DDR2: variants seen among roughly 807,000 people sequenced by gnomAD.
DDR2 encodes the protein discoidin domain receptor tyrosine kinase 2, also known as discoidin domain-containing receptor 2.
DDR2 carries 27 observed loss-of-function variants against 94.9 expected under a neutral mutation model. The ratio of observed to expected loss-of-function variants is 0.28; its 90% CI spans 0.21 to 0.39. DDR2 has a LOEUF of 0.39. DDR2 is among the 10% of genes least tolerant of loss of function. The probability of loss-of-function intolerance (pLI) is 1.00; values close to 1 mark genes in which losing one functional copy is unlikely to be tolerated. For missense variants in DDR2, 783 were observed against 1,076.0 expected, an observed-to-expected ratio of 0.73 and a Z score of 3.81; for synonymous variants, 382 against 377.2, an observed-to-expected ratio of 1.01 and a Z score of -0.15.
At chr1:162,769,556 C>T (rs896598926) in intron 11 of DDR2, among the ~76,000 whole-genome samples, 5 of 152,316 alleles carry the variant, frequency 3.3e-5, no homozygotes, top group African/African-American at 4.8e-5. Flanking sequence ...ATCTAAGTTT[C>T]GCCATTGAGC....
At position 162,721,919 on chromosome 1, in the gene DDR2, A is replaced by G. The variant is rs113017727; in HGVS notation, c.82+2774A>G. Among the ~76,000 whole-genome samples the G allele has an allele frequency of 1.7e-3, 257 of 152,338 alleles. 1 individual carries two copies. Among genetic ancestry groups the G allele is most frequent in the Non-Finnish European group, 3.2e-3 (216 of 68,034 alleles). ...AACTCAATAAAATAAAAATAAAATA[A>G]TAATTAGTTGAAGCTCATTGTTGAA... On this transcript the variant is annotated intron_variant, in intron 3 of 17. Coordinates refer to ENST00000367921, the MANE Select transcript of DDR2 (RefSeq NM_006182.4).
chr1:162,750,961 C>T (rs529113470), intron 3 of DDR2, among the ~76,000 whole-genome samples: 73 of 152,178 alleles, frequency 4.8e-4, no homozygotes, highest in East Asian at 2.9e-3. Flanking sequence ...AGCTGAAATT[C>T]GATCCCTTCC....
At chr1:162,716,424 G>A (rs996463223) in intron 2 of DDR2, among the ~76,000 whole-genome samples, 4 of 152,338 alleles carry the variant, frequency 2.6e-5, no homozygotes, top group Non-Finnish European at 5.9e-5. Flanking sequence ...CTCAACTATA[G>A]CCAAGACCAA....
rs572863190 is a variant in DDR2 at position 162,633,000 on chromosome 1, A to G, written c.-192+369A>G. On this transcript the variant is annotated intron_variant, in intron 1 of 17. Transcript: ENST00000367921. ...TTCAGGATGAAGAAGGCAGAGCAGG[A>G]GAGCTAAGTTTTTAGACATTTAGTA... Among the ~76,000 whole-genome samples the G allele has an allele frequency of 7.0e-4, 106 of 152,360 alleles. 1 individual carries two copies. The highest frequency in any genetic ancestry group is 2.4e-3 in the African/African-American group (99 of 41,588).
chr1:162,656,748 T>C (rs1433668290), intron 2 of DDR2, among the ~76,000 whole-genome samples: 1 of 151,372 alleles, frequency 6.6e-6, no homozygotes, highest in Non-Finnish European at 1.5e-5. Context: ...TTACATGAGA[T>C]TTTTCAAACA....
At chr1:162,671,718 ACCT>A (rs1349052420) in intron 2 of DDR2, among the ~76,000 whole-genome samples, 1 of 151,926 alleles carries the variant, frequency 6.6e-6, no homozygotes, top group Non-Finnish European at 1.5e-5. Flanking sequence ...CCTGATGGAC[ACCT>A]CCTCGTGAAA....
At position 162,765,911 on chromosome 1, in the gene DDR2, T is replaced by G. The variant is rs1571310652; in HGVS notation, c.1100-90T>G. The G allele has an allele frequency of 6.1e-6, 7 of 1,155,724 alleles. No individual in the cohort carries two copies. The East Asian group carries it at 1.6e-4, about 27-fold the overall frequency. The allele number at this position is 1,155,724 out of a possible 1,614,324, so 71.6% of individuals were successfully genotyped here. A position where few individuals can be genotyped will look rare whatever the true frequency, so the allele number is the denominator to read the frequency against. On this transcript the variant is annotated intron_variant, in intron 9 of 17. Transcript: ENST00000367921. ...CTGATGACAACTCACTAAATTGATCTTGTAATGTGCTAGGTCACAATATGC... is the reference window on the plus strand; with the variant it reads ...CTGATGACAACTCACTAAATTGATCGTGTAATGTGCTAGGTCACAATATGC...
intron 1 of DDR2, among the ~76,000 whole-genome samples, chr1:162,634,254 C>A (rs748861119): frequency 6.6e-6 from 1 of 152,188 alleles, no homozygotes; most frequent in African/African-American, 2.4e-5. Flanking sequence ...ATGCAAAGAG[C>A]CTGGGACTTA....
Position 162,718,907 on chromosome 1 carries a change from T to C in DDR2, c.-27-130T>C, listed in dbSNP as rs1224375097. On this transcript the variant is annotated intron_variant, in intron 2 of 17. Coordinates refer to ENST00000367921, the MANE Select transcript of DDR2 (RefSeq NM_006182.4). ...CCAAAGTCTGTGATTCGAAGTCCCA[T>C]ATATAAAAACAAACACTGCAGGAAC... The C allele has an allele frequency of 4.7e-6, 4 of 846,572 alleles. No individual in the cohort carries two copies. In the Admixed American group the frequency reaches 7.8e-5, roughly 17 times the overall value. The allele number at this position is 846,572 out of a possible 1,614,324, so 52.4% of individuals were successfully genotyped here. A position where few individuals can be genotyped will look rare whatever the true frequency, so the allele number is the denominator to read the frequency against.
chr1:162,674,260 C>G (rs1012321103), intron 2 of DDR2, among the ~76,000 whole-genome samples: 1 of 152,146 alleles, frequency 6.6e-6, no homozygotes, highest in Admixed American at 6.5e-5. Flanking sequence ...TTGTTTCACC[C>G]TCCAGAACCT....
chr1:162,777,187 A>C (rs557353905), intron 16 of DDR2, among the ~76,000 whole-genome samples: 1 of 152,160 alleles, frequency 6.6e-6, no homozygotes, highest in Non-Finnish European at 1.5e-5. Flanking sequence ...CACTATCAAT[A>C]CTTTGGTATA....
intron 3 of DDR2, among the ~76,000 whole-genome samples, chr1:162,737,449 T>A (rs1662364935): frequency 7.3e-6 from 1 of 136,660 alleles, no homozygotes; most frequent in Non-Finnish European, 1.6e-5. Context: ...GAGAATGATG[T>A]TTTCCAATTT....
intron 1 of DDR2, among the ~76,000 whole-genome samples, chr1:162,648,042 G>A (rs1373807682): frequency 8.5e-6 from 1 of 117,740 alleles, no homozygotes; most frequent in Admixed American, 1.1e-4. Flanking sequence ...CCTGTATTTA[G>A]CAAGAGGTTT....
chr1:162,703,886 G>A (rs932167763), intron 2 of DDR2, among the ~76,000 whole-genome samples: 1 of 152,114 alleles, frequency 6.6e-6, no homozygotes, highest in Non-Finnish European at 1.5e-5. Flanking sequence ...TGCGCATGCC[G>A]GGATCCCCAT....
intron 2 of DDR2, among the ~76,000 whole-genome samples, chr1:162,696,809 T>C (rs1660214627): frequency 6.6e-6 from 1 of 152,158 alleles, no homozygotes; most frequent in South Asian, 2.1e-4. Context: ...CTGCCCCCGC[T>C]GTCTGCCCAG....
At chr1:162,702,859 C>G (rs1219472001) in intron 2 of DDR2, among the ~76,000 whole-genome samples, 1 of 152,106 alleles carries the variant, frequency 6.6e-6, no homozygotes, top group Non-Finnish European at 1.5e-5. Context: ...TAGCTAACTC[C>G]CTTGGCTTCA....
intron 13 of DDR2, chr1:162,772,471 C>T: frequency 1.1e-5 from 6 of 559,096 alleles, no homozygotes; most frequent in Non-Finnish European, 1.6e-5. Flanking sequence ...GTTTTTAAGG[C>T]AGGCAAGTCA....
intron 2 of DDR2, among the ~76,000 whole-genome samples, chr1:162,694,882 T>G (rs1660115405): frequency 6.6e-6 from 1 of 152,232 alleles, no homozygotes; most frequent in African/African-American, 2.4e-5. Context: ...GTTCCATAAT[T>G]TCTCAGACAC....
At position 162,688,311 on chromosome 1, in the gene DDR2, G is replaced by A. The variant is rs751893422; in HGVS notation, c.-27-30726G>A. Among the ~76,000 whole-genome samples, 10 of 152,174 alleles carry A rather than the reference G, an allele frequency of 6.6e-5. No individual in the cohort carries two copies. In the South Asian group the frequency reaches 8.3e-4, roughly 13 times the overall value. ...ACCCAGTATAAGTGGTATACTAATC[G>A]TAGCTAGCCTGTGCTGCATGCCTGC... is the stretch of plus-strand genomic sequence containing the variant. On this transcript the variant is annotated intron_variant, in intron 2 of 17. Transcript: ENST00000367921.
Sources: allele counts gnomAD v4.1 joint callset (sites outside exome capture counted in the v4.1 genomes callset), GRCh38; gene constraint gnomAD v4.1.1; transcripts MANE v1.5; gene names NCBI Gene and HGNC (gene_info 2026-07-23, HGNC 2026-07-21).